SYNE2: variants seen among roughly 807,000 people sequenced by gnomAD.
SYNE2 encodes nesprin-2.
A neutral mutation model predicts 856.3 loss-of-function variants in SYNE2; 431 were observed. That is an observed-to-expected ratio of 0.50 (90% CI 0.47 to 0.55). The LOEUF is 0.55. SYNE2 is among the 20% of genes least tolerant of loss of function. SYNE2 has a pLI of 0.00. For synonymous variants in SYNE2, 2,923 were observed against 2,872.3 expected (o/e 1.02, Z -0.56); for missense variants, 8,129 against 8,023.2 (o/e 1.01, Z -0.50).
chr14:63,975,003 C>A (rs985098568), intron 11 of SYNE2, among the ~76,000 whole-genome samples: 1 of 149,284 alleles, frequency 6.7e-6, no homozygotes. Flanking sequence ...GCCTGCCTGG[C>A]TCTGTGACGT....
chr14:64,210,255 C>T, intron 103 of SYNE2, 131 bp downstream of exon 103: 5 of 1,195,974 alleles, frequency 4.2e-6, no homozygotes, highest in South Asian at 3.2e-5. Flanking sequence ...TTTAACAGTC[C>T]TCCAACACAA....
intron 6 of SYNE2, among the ~76,000 whole-genome samples, chr14:63,947,641 A>G (rs1259333293): frequency 2.0e-5 from 3 of 151,950 alleles, no homozygotes; most frequent in Admixed American, 2.0e-4. Flanking sequence ...TTCGAGACCA[A>G]CCTGACCAAC....
At chr14:63,924,274 A>G (rs1329768072) in intron 2 of SYNE2, among the ~76,000 whole-genome samples, 1 of 128,696 alleles carries the variant, frequency 7.8e-6, no homozygotes, top group African/African-American at 2.5e-5. Context: ...AGCTTTTAGT[A>G]AATTTTGAAA....
intron 87 of SYNE2, among the ~76,000 whole-genome samples, chr14:64,160,073 C>T (rs1238825664): frequency 6.6e-6 from 1 of 152,172 alleles, no homozygotes. Context: ...GCAGTTTCAG[C>T]CTCTCTTGTA....
In SYNE2 at chr14:64,224,926, ATTTTTTTTTT is replaced by A. The variant is rs35455974; in HGVS notation, c.20470-68_20470-59del. ...AAGGTGGTATATAATTTAAGGGAGG[ATTTTTTTTTT>A]TTTTATCATTGATAGGACTAAACTG... On this transcript the variant is annotated intron_variant, in intron 114 of 115. Coordinates refer to ENST00000555002, the MANE Select transcript of SYNE2 (RefSeq NM_182914.3). 9.4e-6 allele frequency: 12 copies of A among 1,276,982 alleles called. No homozygotes were observed. The Admixed American group carries it at 1.3e-4, about 14-fold the overall frequency. 79.1% of individuals were successfully genotyped at this position (1,276,982 alleles called of 1,614,324 possible).
intron 1 of SYNE2, among the ~76,000 whole-genome samples, chr14:63,816,874 T>C (rs953249262): frequency 1.2e-4 from 19 of 152,038 alleles, no homozygotes. Context: ...CTCATTACCA[T>C]ACCTGGCTAT....
intron 57 of SYNE2, 194 bp from the exon 58 acceptor site, chr14:64,087,477 C>T (rs952973762): frequency 1.1e-5 from 8 of 749,966 alleles, no homozygotes; most frequent in South Asian, 2.7e-5. Flanking sequence ...TATTATGTTA[C>T]AGTTATACAG....
At chr14:63,802,947 G>T (rs1366212426) in intron 1 of SYNE2, among the ~76,000 whole-genome samples, 1 of 152,212 alleles carries the variant, frequency 6.6e-6, no homozygotes, top group Admixed American at 6.5e-5. Flanking sequence ...AACCCAAAGA[G>T]TGAGCAGTAG....
At chr14:63,854,503 G>A (rs142687946) in intron 1 of SYNE2, among the ~76,000 whole-genome samples, 85 of 152,336 alleles carry the variant, frequency 5.6e-4, no homozygotes, top group African/African-American at 1.7e-3. Flanking sequence ...GATAATTACT[G>A]AACGGCTTTA....
At chr14:63,772,636 G>A (rs140668598) in intron 1 of SYNE2, among the ~76,000 whole-genome samples, 327 of 151,406 alleles carry the variant, frequency 2.2e-3, no homozygotes, top group African/African-American at 7.6e-3. Flanking sequence ...CCAGCTATTC[G>A]GGAGGCTGAG....
chr14:64,001,988 ACTT>A lies in SYNE2; in HGVS notation c.3699_3701del (p.Leu1234del), dbSNP rs777263472. The A allele has an allele frequency of 6.0e-5, 97 of 1,613,406 alleles. No homozygotes were observed. In the Admixed American group the frequency reaches 7.3e-4, roughly 12 times the overall value. ...TTGTGTTACCTGTAGAGAAGGCATC[ACTT>A]CTTCTCTGTGGCTCGGACCTGCCTC... is the stretch of plus-strand genomic sequence containing the variant. On this transcript the variant is annotated inframe_deletion, in exon 29 of 116. Transcript: ENST00000555002.
intron 94 of SYNE2, among the ~76,000 whole-genome samples, chr14:64,172,425 G>C (rs545841294): frequency 2.2e-4 from 34 of 152,260 alleles, no homozygotes; most frequent in African/African-American, 7.5e-4. Flanking sequence ...GGACAGTGGA[G>C]CTCCTCTCCT....
chr14:63,978,008 T>C lies in SYNE2; in HGVS notation c.1397T>C (p.Met466Thr). Residue 466 changes from methionine (M) to threonine (T), a missense_variant, in exon 13 of 116, where the codon ATG becomes ACG. Transcript: ENST00000555002. ...PLVPPNKLEE[M>T]KRRINNILEK... ...GTACCACCTAACAAATTGGAGGAAA[T>C]GAAAAGACGGTGTGTAACACTACCA... The C allele has an allele frequency of 6.2e-7, 1 of 1,606,194 alleles. No individual in the cohort carries two copies. Among genetic ancestry groups the C allele is most frequent in the Non-Finnish European group, 8.5e-7 (1 of 1,172,846 alleles).
chr14:63,976,004 C>A (rs1018402697), intron 11 of SYNE2, among the ~76,000 whole-genome samples: 2 of 152,182 alleles, frequency 1.3e-5, no homozygotes, highest in African/African-American at 4.8e-5. Flanking sequence ...GAGTGTGTTT[C>A]TCACATGCTT....
chr14:64,167,118 G>C (rs2098384288), intron 90 of SYNE2, 115 bp from the exon 91 acceptor site: 2 of 1,330,362 alleles, frequency 1.5e-6, no homozygotes, highest in Admixed American at 1.9e-5. Context: ...CTGTGGGCAA[G>C]TCATTTGCCT....
At chr14:63,848,355 G>C (rs190211014), upstream of SYNE2, 1 of 152,350 alleles carries the variant, frequency 6.6e-6, no homozygotes, top group Non-Finnish European at 1.5e-5. Flanking sequence ...ACTGCACTCA[G>C]ACCAGCCAAG....
chr14:63,852,148 T>A (rs1198758510), upstream of SYNE2, among the ~76,000 whole-genome samples: 1 of 151,918 alleles, frequency 6.6e-6, no homozygotes, highest in African/African-American at 2.4e-5. Context: ...TAAATTTGAT[T>A]GTGATAGAAA....
intron 1 of SYNE2, among the ~76,000 whole-genome samples, chr14:63,789,961 A>G (rs1351656881): frequency 6.6e-6 from 1 of 152,172 alleles, no homozygotes; most frequent in African/African-American, 2.4e-5. Context: ...AAAGAAACTG[A>G]GATACCTTTA....
chr14:63,952,646 T>C, intron 7 of SYNE2, among the ~76,000 whole-genome samples: 1 of 152,250 alleles, frequency 6.6e-6, no homozygotes, highest in East Asian at 1.9e-4. Context: ...TCATAGGTTG[T>C]TATATGCATA....
Sources: allele counts gnomAD v4.1 joint callset (sites outside exome capture counted in the v4.1 genomes callset), GRCh38; gene constraint gnomAD v4.1.1; transcripts MANE v1.5; gene names NCBI Gene and HGNC (gene_info 2026-07-23, HGNC 2026-07-21).